The following CNTN3 variants were observed in gnomAD, a reference collection of about 807,000 sequenced individuals.
CNTN3 encodes the protein contactin 3, also known as contactin-3.
In CNTN3, 60 loss-of-function variants were observed where a neutral mutation model predicts 119.1. The observed-to-expected ratio is 0.50, with a 90% CI of 0.41 to 0.62. CNTN3 has a LOEUF of 0.62. Ranked by LOEUF, CNTN3 falls within the 20% of genes least tolerant of loss-of-function variation. CNTN3 has a pLI of 0.00. For synonymous variants in CNTN3, 450 were observed against 438.7 expected, an observed-to-expected ratio of 1.03 and a Z score of -0.32; for missense variants, 1,101 against 1,242.4, an observed-to-expected ratio of 0.89 and a Z score of 1.71.
At chr3:74,276,602 C>A (rs144082129) in intron 20 of CNTN3, among the ~76,000 whole-genome samples, 84 of 152,092 alleles carry the variant, frequency 5.5e-4, no homozygotes, top group African/African-American at 2.0e-3. Flanking sequence ...ACTGACACAA[C>A]CTATCAAAAC....
intron 4 of CNTN3, among the ~76,000 whole-genome samples, chr3:74,457,563 G>A (rs951414932): frequency 5.3e-5 from 8 of 151,782 alleles, no homozygotes; most frequent in South Asian, 2.1e-4. Flanking sequence ...GTAGTATAGC[G>A]GAGAGGAGAC....
chr3:74,536,173 G>GC (rs1246085092), intron 1 of CNTN3, among the ~76,000 whole-genome samples: 2 of 151,978 alleles, frequency 1.3e-5, no homozygotes, highest in Non-Finnish European at 2.9e-5. Flanking sequence ...CCCTGAATGA[G>GC]CTCCCCTGTA....
chr3:74,559,563 A>T (rs1429424022), intron 1 of CNTN3, among the ~76,000 whole-genome samples: 1 of 151,718 alleles, frequency 6.6e-6, no homozygotes, highest in Non-Finnish European at 1.5e-5. Context: ...GGGTAAACAT[A>T]AAAGATTAAA....
intron 5 of CNTN3, among the ~76,000 whole-genome samples, chr3:74,416,436 A>G (rs989997502): frequency 1.3e-5 from 2 of 152,182 alleles, no homozygotes; most frequent in Non-Finnish European, 2.9e-5. Context: ...TCCAAATTCC[A>G]TAGCTTGTAA....
intron 13 of CNTN3, among the ~76,000 whole-genome samples, chr3:74,313,982 T>C (rs1225379945): frequency 6.6e-6 from 1 of 152,196 alleles, no homozygotes; most frequent in Non-Finnish European, 1.5e-5. Context: ...TCAAAATATG[T>C]CAAATAAATA....
intron 13 of CNTN3, among the ~76,000 whole-genome samples, chr3:74,318,660 G>A (rs974837429): frequency 2.0e-5 from 3 of 152,184 alleles, no homozygotes; most frequent in Non-Finnish European, 2.9e-5. Flanking sequence ...AGCGGTGGCT[G>A]TAGAACAGTG....
At chr3:74,496,814 T>C (rs1173888049) in intron 3 of CNTN3, among the ~76,000 whole-genome samples, 1 of 152,050 alleles carries the variant, frequency 6.6e-6, no homozygotes, top group Non-Finnish European at 1.5e-5. Context: ...AATAAAATCC[T>C]CAATTAAACC....
chr3:74,579,262 A>T (rs1478594277), intron 1 of CNTN3, among the ~76,000 whole-genome samples: 1 of 151,946 alleles, frequency 6.6e-6, no homozygotes, highest in Non-Finnish European at 1.5e-5. Context: ...GCATGCACAA[A>T]TTGACAGATC....
At chr3:74,310,911 T>C (rs1702670435) in intron 13 of CNTN3, among the ~76,000 whole-genome samples, 1 of 152,266 alleles carries the variant, frequency 6.6e-6, no homozygotes, top group South Asian at 2.1e-4. Context: ...CTGACCTATA[T>C]GGACCAAAGA....
chr3:74,276,761 G>C (rs1701889683), intron 20 of CNTN3, among the ~76,000 whole-genome samples: 1 of 151,934 alleles, frequency 6.6e-6, no homozygotes, highest in Non-Finnish European at 1.5e-5. Context: ...AAACTCAGCA[G>C]AAGAAAGGAA....
intron 4 of CNTN3, among the ~76,000 whole-genome samples, chr3:74,456,055 G>C (rs1037656546): frequency 3.3e-5 from 5 of 152,046 alleles, no homozygotes; most frequent in Non-Finnish European, 7.4e-5. Flanking sequence ...CTCCAAAACT[G>C]TAAGGTGCTG....
chr3:74,264,700 C>T (rs1413002259), intron 22 of CNTN3, among the ~76,000 whole-genome samples, 199 bp from the exon 23 acceptor site: 2 of 152,028 alleles, frequency 1.3e-5, no homozygotes, highest in East Asian at 3.9e-4. Flanking sequence ...TCTCAGACTC[C>T]CCTCCAAAAC....
At chr3:74,448,928 T>C (rs956524033) in intron 4 of CNTN3, among the ~76,000 whole-genome samples, 1 of 152,130 alleles carries the variant, frequency 6.6e-6, no homozygotes, top group African/African-American at 2.4e-5. Context: ...ATACTTTCTA[T>C]ATCCAAGATG....
intron 1 of CNTN3, among the ~76,000 whole-genome samples, chr3:74,548,427 T>C (rs1237841785): frequency 6.6e-6 from 1 of 152,226 alleles, no homozygotes; most frequent in East Asian, 1.9e-4. Context: ...AAATGCTTTT[T>C]CAGTATCCAT....
chr3:74,365,209 C>T (rs911515575), intron 9 of CNTN3, among the ~76,000 whole-genome samples: 1 of 152,022 alleles, frequency 6.6e-6, no homozygotes, highest in Non-Finnish European at 1.5e-5. Context: ...TACATTCATT[C>T]CCCAGAGGCC....
chr3:74,442,766 T>C (rs796067825), intron 4 of CNTN3, among the ~76,000 whole-genome samples: 9 of 152,290 alleles, frequency 5.9e-5, no homozygotes, highest in African/African-American at 1.9e-4. Context: ...CTTCTTTAAG[T>C]TCTTTGCATA....
chr3:74,307,184 G>A (rs1702582455), intron 13 of CNTN3, among the ~76,000 whole-genome samples: 1 of 152,142 alleles, frequency 6.6e-6, no homozygotes, highest in African/African-American at 2.4e-5. Context: ...GTGGACAGGG[G>A]ATAGGGATGT....
chr3:74,294,337 GTTC>G (rs1410052516), intron 19 of CNTN3, among the ~76,000 whole-genome samples: 2 of 152,102 alleles, frequency 1.3e-5, no homozygotes. Flanking sequence ...AGTTCAAATG[GTTC>G]TTCTTAGCCT....
intron 11 of CNTN3, among the ~76,000 whole-genome samples, chr3:74,359,079 G>A (rs1337443042): frequency 6.6e-6 from 1 of 151,910 alleles, no homozygotes; most frequent in African/African-American, 2.4e-5. Context: ...ATGTCACTGG[G>A]AGGCAGGCAC....
Sources: allele counts gnomAD v4.1 joint callset (sites outside exome capture counted in the v4.1 genomes callset), GRCh38; gene constraint gnomAD v4.1.1; transcripts MANE v1.5; gene names NCBI Gene and HGNC (gene_info 2026-07-23, HGNC 2026-07-21).